The following HTR2C variants were observed in gnomAD, a reference collection of about 807,000 sequenced individuals.
The protein encoded by HTR2C is 5-hydroxytryptamine receptor 2C, also known as 5-hydroxytryptamine (serotonin) receptor 2C, G protein-coupled.
Under a neutral mutation model 21.0 loss-of-function variants are expected in HTR2C, and 5 were observed. That is an observed-to-expected ratio of 0.24 (90% CI 0.12 to 0.50). HTR2C has a LOEUF of 0.50. Ranked by LOEUF, HTR2C falls within the 20% of genes least tolerant of loss-of-function variation. HTR2C has a pLI of 0.98. For missense variants in HTR2C, 271 were observed against 371.2 expected (o/e 0.73, Z 2.22); for synonymous variants, 150 against 145.3 (o/e 1.03, Z -0.23).
chrX:114,839,897 C>T (rs1411274517), intron 4 of HTR2C, among the ~76,000 whole-genome samples: 7 of 110,400 alleles, frequency 6.3e-5, no homozygotes, highest in African/African-American at 2.3e-4. Context: ...GGATATCCTA[C>T]AAGCAACCTA....
In HTR2C at chrX:114,744,766, C is replaced by A. The variant is rs782346430; in HGVS notation, c.349+13159C>A. Among the ~76,000 whole-genome samples, 8 of 111,676 alleles carry A rather than the reference C, an allele frequency of 7.2e-5. No homozygotes were observed. The East Asian group carries it at 2.2e-3, about 31-fold the overall frequency. The stretch of plus-strand genomic sequence containing the variant: ...CGCACTCAGCCCCCCAAAGCTCATT[C>A]TTTTACAAAAGTAATGAAATTGACA... On this transcript the variant is annotated intron_variant, in intron 4 of 5. Transcript: ENST00000276198.
At chrX:114,769,675 A>G (rs781878092) in intron 4 of HTR2C, among the ~76,000 whole-genome samples, 2 of 111,727 alleles carry the variant, frequency 1.8e-5, no homozygotes, top group South Asian at 7.3e-4. Context: ...GTATGTAGAC[A>G]TATTGCTCCA....
At chrX:114,879,414 A>G (rs2071163481) in intron 5 of HTR2C, among the ~76,000 whole-genome samples, 1 of 110,030 alleles carries the variant, frequency 9.1e-6, no homozygotes, top group African/African-American at 3.3e-5. Context: ...GGATTCTCTT[A>G]TGAAAACTTT....
At chrX:114,876,060 T>G (rs933720537) in intron 5 of HTR2C, among the ~76,000 whole-genome samples, 6 of 110,694 alleles carry the variant, frequency 5.4e-5, no homozygotes, top group Admixed American at 9.7e-5. Context: ...CTTTTTTCAT[T>G]TATTTGTGAC....
intron 5 of HTR2C, among the ~76,000 whole-genome samples, chrX:114,871,369 G>A (rs2071090414): frequency 8.9e-6 from 1 of 112,052 alleles, no homozygotes; most frequent in Admixed American, 9.5e-5. Flanking sequence ...AATGAGCTAT[G>A]TGCTGAGGAA....
At chrX:114,641,519 T>TA (rs1205133323) in intron 2 of HTR2C, among the ~76,000 whole-genome samples, 29 of 108,577 alleles carry the variant, frequency 2.7e-4, no homozygotes, top group South Asian at 7.8e-4. Flanking sequence ...GTTTTCAAAG[T>TA]AAAAAAAAAA....
At chrX:114,840,062 C>T (rs1045106719) in intron 4 of HTR2C, among the ~76,000 whole-genome samples, 1 of 110,883 alleles carries the variant, frequency 9.0e-6, no homozygotes, top group African/African-American at 3.3e-5. Context: ...AGCATCTCAA[C>T]GACATGGCAT....
chrX:114,863,427 CAT>C (rs781999808), intron 5 of HTR2C, among the ~76,000 whole-genome samples: 42 of 111,720 alleles, frequency 3.8e-4, no homozygotes, highest in African/African-American at 1.3e-3. Context: ...TTGCTTTTCA[CAT>C]GTTTGTGCAT....
intron 1 of HTR2C, among the ~76,000 whole-genome samples, chrX:114,591,261 G>T: frequency 9.0e-6 from 1 of 111,468 alleles, no homozygotes; most frequent in South Asian, 3.7e-4. Context: ...CTTCATTCTT[G>T]AAGGAAGTAA....
chrX:114,842,329 T>C (rs2070840800), intron 4 of HTR2C, among the ~76,000 whole-genome samples: 1 of 112,421 alleles, frequency 8.9e-6, no homozygotes, highest in Admixed American at 9.4e-5. Flanking sequence ...GATGGCCCCC[T>C]GAAGGACTGG....
intron 1 of HTR2C, among the ~76,000 whole-genome samples, chrX:114,611,042 G>T (rs1284324096): frequency 8.9e-6 from 1 of 111,989 alleles, no homozygotes; most frequent in Non-Finnish European, 1.9e-5. Flanking sequence ...TTTTTTTAAA[G>T]AATATCTGAT....
intron 4 of HTR2C, among the ~76,000 whole-genome samples, chrX:114,753,306 A>T (rs1437286009): frequency 1.8e-5 from 2 of 111,660 alleles, no homozygotes; most frequent in African/African-American, 6.5e-5. Flanking sequence ...TCCCCCTAAG[A>T]TTAAGAATAA....
chrX:114,727,022 A>G (rs2069487978), intron 3 of HTR2C, 51 bp downstream of exon 3: 4 of 745,882 alleles, frequency 5.4e-6, no homozygotes, highest in African/African-American at 2.3e-5. Context: ...TTTGCTTGGT[A>G]GCTTGCTCAA....
At chrX:114,620,010 A>G (rs367631738) in intron 2 of HTR2C, among the ~76,000 whole-genome samples, 9 of 112,076 alleles carry the variant, frequency 8.0e-5, no homozygotes, top group African/African-American at 2.9e-4. Flanking sequence ...AGTCATTTAT[A>G]TAATTTTTGG....
At chrX:114,760,906 C>T (rs1281271090) in intron 4 of HTR2C, among the ~76,000 whole-genome samples, 1 of 111,519 alleles carries the variant, frequency 9.0e-6, no homozygotes, top group Non-Finnish European at 1.9e-5. Context: ...CCAAACTAGA[C>T]ATACAGAGGA....
chrX:114,739,438 C>A (rs781841018), intron 4 of HTR2C, among the ~76,000 whole-genome samples: 1 of 111,528 alleles, frequency 9.0e-6, no homozygotes, highest in Non-Finnish European at 1.9e-5. Flanking sequence ...CAGGATGTAA[C>A]ATTAGCATGG....
chrX:114,813,011 C>T (rs1193001043), intron 4 of HTR2C, among the ~76,000 whole-genome samples: 2 of 111,369 alleles, frequency 1.8e-5, no homozygotes, highest in African/African-American at 3.3e-5. Context: ...ATAACATAGA[C>T]TTATGAAGTA....
intron 5 of HTR2C, among the ~76,000 whole-genome samples, chrX:114,889,246 G>A (rs1556482324): frequency 8.9e-6 from 1 of 111,893 alleles, no homozygotes; most frequent in East Asian, 2.8e-4. Context: ...CTGATAATTG[G>A]ACAGAGATTA....
chrX:114,741,706 G>A (rs2069651100), intron 4 of HTR2C, among the ~76,000 whole-genome samples: 1 of 103,783 alleles, frequency 9.6e-6, no homozygotes, highest in South Asian at 4.6e-4. Flanking sequence ...TAAGAGTTCT[G>A]ATGACAACAA....
Sources: gnomAD v4.1 joint callset for allele counts (sites outside exome capture counted in the v4.1 genomes callset) on GRCh38, gnomAD v4.1.1 for gene constraint, MANE v1.5 for transcripts, NCBI Gene and HGNC (gene_info 2026-07-23, HGNC 2026-07-21) for gene names.